The following GSS variants were observed in gnomAD, a reference collection of about 807,000 sequenced individuals.
GSS encodes the protein glutathione synthetase, also known as GSH synthetase.
Under a neutral mutation model 60.4 loss-of-function variants are expected in GSS, and 34 were observed. That is an observed-to-expected ratio of 0.56 (90% confidence interval 0.43 to 0.75). GSS has a LOEUF of 0.75. GSS is among the 30% of genes least tolerant of loss of function. GSS has a pLI of 0.00. For synonymous variants in GSS, 224 were observed against 239.0 expected (o/e 0.94, Z 0.58); for missense variants, 499 against 595.1 (o/e 0.84, Z 1.68).
intron 2 of GSS, among the ~76,000 whole-genome samples, chr20:34,947,056 T>G (rs2081528330): frequency 6.6e-6 from 1 of 152,202 alleles, no homozygotes. Context: ...GTTTACGGTG[T>G]TAGAACTTGG....
chr20:34,940,968 G>A (rs2081477679), intron 6 of GSS, among the ~76,000 whole-genome samples: 1 of 152,188 alleles, frequency 6.6e-6, no homozygotes, highest in South Asian at 2.1e-4. Context: ...AGGGAGGCAT[G>A]GGCATGGGGG....
chr20:34,936,949 A>G lies in GSS; in HGVS notation c.683T>C (p.Leu228Pro). ...TCCCCCTTCCTTTACTTACCTGGCC[A>G]GTAGCTCATTCTCTATGGCACGCTG... ...FDQRAIENEL[L>P]ARNIHVIRRT... Residue 228 changes from leucine (L) to proline (P), a missense_variant, in exon 7 of 13, where the codon CTG (leucine) becomes CCG (proline). Coordinates refer to ENST00000651619, the MANE Select transcript of GSS (RefSeq NM_000178.4). The G allele has an allele frequency of 5.6e-6, 9 of 1,613,596 alleles. No homozygotes were observed. Among genetic ancestry groups the G allele is most frequent in the Non-Finnish European group, 6.8e-6 (8 of 1,179,578 alleles).
intron 9 of GSS, among the ~76,000 whole-genome samples, chr20:34,934,738 C>T (rs1030973336): frequency 6.6e-6 from 1 of 152,134 alleles, no homozygotes; most frequent in African/African-American, 2.4e-5. Flanking sequence ...AGATGAATTA[C>T]AGACCTAGAA....
intron 1 of GSS, chr20:34,952,884 C>G (rs551029297): frequency 1.3e-5 from 2 of 152,276 alleles, no homozygotes; most frequent in South Asian, 4.1e-4. Flanking sequence ...CCATGAAATG[C>G]GAATAAGGTG....
intron 9 of GSS, among the ~76,000 whole-genome samples, chr20:34,933,297 TGTTGCTGAATAA>T (rs1389004903): frequency 6.6e-6 from 1 of 152,150 alleles, no homozygotes; most frequent in Non-Finnish European, 1.5e-5. Flanking sequence ...TATTTGTTGT[TGTTGCTGAATAA>T]GTTGAAATTT....
intron 1 of GSS, chr20:34,954,783 C>A (rs2081606935): frequency 6.5e-6 from 1 of 153,680 alleles, no homozygotes; most frequent in Admixed American, 6.5e-5. Flanking sequence ...TTGTTGTTGT[C>A]TCCCACAAAT....
intron 9 of GSS, among the ~76,000 whole-genome samples, chr20:34,933,072 C>T (rs2081414632): frequency 1.3e-5 from 2 of 152,116 alleles, no homozygotes; most frequent in African/African-American, 4.8e-5. Flanking sequence ...TCTTGAACTC[C>T]TGAGCTCATG....
intron 11 of GSS, 72 bp from the exon 12 acceptor site, chr20:34,929,662 C>T: frequency 1.5e-6 from 2 of 1,361,580 alleles, no homozygotes; most frequent in Non-Finnish European, 2.1e-6. Flanking sequence ...ACTTTTGGGG[C>T]CACATGGGCA....
intron 2 of GSS, chr20:34,950,022 CACACACACACACAT>C (rs1484565744): frequency 2.6e-5 from 4 of 151,204 alleles, no homozygotes; most frequent in African/African-American, 4.9e-5. Flanking sequence ...CTCACACACA[CACACACACACACAT>C]ACACACACAC....
chr20:34,940,599 G>C (rs1296794536), intron 6 of GSS, among the ~76,000 whole-genome samples: 1 of 152,166 alleles, frequency 6.6e-6, no homozygotes, highest in Non-Finnish European at 1.5e-5. Flanking sequence ...TGTAAAATGA[G>C]GGAGTTGAAC....
Position 34,947,597 on chromosome 20 carries a change from T to C in GSS, c.130-1499A>G, listed in dbSNP as rs1455236887. On this transcript the variant is annotated intron_variant, in intron 2 of 12. Coordinates refer to ENST00000651619, the MANE Select transcript of GSS (RefSeq NM_000178.4). ...CCAGTCATCTTTGTATTGATATATATGTATACACATATATTTTCTCTTTTT... is the reference window on the plus strand; with the variant it reads ...CCAGTCATCTTTGTATTGATATATACGTATACACATATATTTTCTCTTTTT... Among the ~76,000 whole-genome samples, 4 of 152,318 alleles carry C rather than the reference T, an allele frequency of 2.6e-5. No homozygotes were observed. In the South Asian group the frequency reaches 8.3e-4, roughly 32 times the overall value.
intron 2 of GSS, among the ~76,000 whole-genome samples, chr20:34,947,680 C>T (rs1339965980): frequency 6.6e-6 from 1 of 151,956 alleles, no homozygotes; most frequent in Non-Finnish European, 1.5e-5. Context: ...CTTATATGTT[C>T]AAATAGAGCA....
intron 6 of GSS, among the ~76,000 whole-genome samples, chr20:34,937,948 C>A (rs772373043): frequency 1.3e-5 from 2 of 152,172 alleles, no homozygotes; most frequent in African/African-American, 2.4e-5. Context: ...ACCTCCACCC[C>A]CTGGGTTCCA....
chr20:34,946,841 A>G (rs2081526719), intron 2 of GSS: 1 of 152,204 alleles, frequency 6.6e-6, no homozygotes, highest in Non-Finnish European at 1.5e-5. Flanking sequence ...TGCATTCCGC[A>G]TTCTTTGGAC....
intron 1 of GSS, among the ~76,000 whole-genome samples, chr20:34,953,256 A>C (rs923286441): frequency 2.0e-5 from 3 of 152,166 alleles, no homozygotes; most frequent in Admixed American, 6.5e-5. Flanking sequence ...AGGGAGTTAG[A>C]GAATAATAGG....
At chr20:34,946,863 C>T (rs759994602) in intron 2 of GSS, 23 of 152,198 alleles carry the variant, frequency 1.5e-4, no homozygotes, top group South Asian at 6.2e-4. Context: ...TTATCATAGA[C>T]GAGAAACCCA....
At chr20:34,941,070 T>G (rs974392768) in intron 6 of GSS, among the ~76,000 whole-genome samples, 4 of 152,104 alleles carry the variant, frequency 2.6e-5, no homozygotes, top group African/African-American at 7.2e-5. Flanking sequence ...AGAAAATGAA[T>G]GAGAGGCCGG....
At chr20:34,931,231 T>G in intron 11 of GSS, 105 bp downstream of exon 11, 1 of 915,018 alleles carries the variant, frequency 1.1e-6, no homozygotes, top group Non-Finnish European at 1.8e-6. Flanking sequence ...GTTCCAATAG[T>G]TTCCCCCATG....
chr20:34,928,611 C>T lies in GSS; in HGVS notation c.*217G>A, dbSNP rs1356022839. On this transcript the variant is annotated 3_prime_UTR_variant, in exon 13 of 13. Transcript: ENST00000651619. ...TGGACCTTTACCTCAGAGCAGCTTA[C>T]CCTGAGCTATACCCACATCTCAAGG... 1 of 623,728 alleles carries T rather than the reference C, an allele frequency of 1.6e-6. No homozygotes were observed. The highest frequency in any genetic ancestry group is 2.9e-6 in the Non-Finnish European group (1 of 345,720). The allele number at this position is 623,728 out of a possible 1,614,324, so 38.6% of individuals were successfully genotyped here.
Sources: gnomAD v4.1 joint callset for allele counts (sites outside exome capture counted in the v4.1 genomes callset) on GRCh38, gnomAD v4.1.1 for gene constraint, MANE v1.5 for transcripts, NCBI Gene and HGNC (gene_info 2026-07-23, HGNC 2026-07-21) for gene names.